Variants in XKR4 observed in about 807,000 individuals in gnomAD.
XKR4 encodes XK related 4, also known as XK-related protein 4.
In XKR4, 12 loss-of-function variants were observed where a neutral mutation model predicts 53.9. The observed-to-expected ratio is 0.22, with a 90% CI of 0.14 to 0.36. The LOEUF (loss-of-function observed/expected upper bound fraction) is 0.36. Among genes scored for constraint, XKR4 ranks in the 10% least tolerant of loss-of-function variants. The probability of loss-of-function intolerance (pLI) is 1.00; values close to 1 mark genes in which losing one functional copy is unlikely to be tolerated. For missense variants in XKR4, 799 were observed against 859.5 expected, an observed-to-expected ratio of 0.93 and a Z score of 0.88; for synonymous variants, 354 against 362.4, an observed-to-expected ratio of 0.98 and a Z score of 0.26.
In XKR4 at chr8:55,541,574, G is replaced by A. The variant is rs1352590298; in HGVS notation, c.*17347G>A. 6.6e-6 allele frequency: 1 copy of A among 152,098 alleles called. No homozygotes were observed. The highest frequency in any genetic ancestry group is 2.4e-5 in the African/African-American group (1 of 41,408). 9.4% of individuals were successfully genotyped at this position (152,098 alleles called of 1,614,324 possible). On this transcript the variant is annotated 3_prime_UTR_variant, in exon 3 of 3. Transcript: ENST00000327381. ...CCCTCCATTACAGAATAAGGTCCGA[G>A]AGACCCCACGAGTGTGCGTAGGGAA...
chr8:55,375,917 C>T (rs1804145041), intron 2 of XKR4, among the ~76,000 whole-genome samples: 1 of 151,954 alleles, frequency 6.6e-6, no homozygotes. Flanking sequence ...GTGTGTTGTT[C>T]CCTGCCATGT....
intron 2 of XKR4, among the ~76,000 whole-genome samples, chr8:55,501,619 A>G (rs951852918): frequency 5.9e-5 from 9 of 152,116 alleles, no homozygotes; most frequent in Admixed American, 3.9e-4. Context: ...TCCATGTAGC[A>G]TGTGTCAGAA....
intron 2 of XKR4, among the ~76,000 whole-genome samples, chr8:55,496,311 A>G (rs1806347880): frequency 6.6e-6 from 1 of 152,170 alleles, no homozygotes; most frequent in African/African-American, 2.4e-5. Flanking sequence ...CAATTCCTGG[A>G]CCAGGGTCTG....
intron 1 of XKR4, among the ~76,000 whole-genome samples, chr8:55,123,987 GT>G (rs1816427388): frequency 6.6e-6 from 1 of 152,088 alleles, no homozygotes; most frequent in Admixed American, 6.5e-5. Context: ...CTGTTTTTAG[GT>G]ATAGCAATCC....
At chr8:55,489,727 G>A (rs1341117942) in intron 2 of XKR4, among the ~76,000 whole-genome samples, 1 of 151,580 alleles carries the variant, frequency 6.6e-6, no homozygotes, top group Non-Finnish European at 1.5e-5. Context: ...ATAATTCCTA[G>A]ATATATGTCA....
intron 1 of XKR4, among the ~76,000 whole-genome samples, chr8:55,110,534 T>A (rs189690168): frequency 3.1e-3 from 477 of 152,284 alleles, no homozygotes; most frequent in Non-Finnish European, 5.4e-3. Context: ...GTGTGGTGAA[T>A]CAGAAAAGGT....
At chr8:55,216,213 G>T (rs1048242305) in intron 1 of XKR4, among the ~76,000 whole-genome samples, 8 of 152,182 alleles carry the variant, frequency 5.3e-5, no homozygotes, top group African/African-American at 1.9e-4. Flanking sequence ...GATCCATAGA[G>T]TACTTTCACA....
At chr8:55,512,561 G>A (rs1806644545) in intron 2 of XKR4, among the ~76,000 whole-genome samples, 1 of 152,184 alleles carries the variant, frequency 6.6e-6, no homozygotes, top group Admixed American at 6.5e-5. Context: ...AAATATGTAT[G>A]TTGCAAATAT....
At chr8:55,347,882 T>C (rs1425386742) in intron 1 of XKR4, among the ~76,000 whole-genome samples, 11 of 152,240 alleles carry the variant, frequency 7.2e-5, no homozygotes, top group East Asian at 5.8e-4. Flanking sequence ...GCCATCTGTA[T>C]AAATATCTAA....
chr8:55,143,872 C>G (rs1251063677), intron 1 of XKR4, among the ~76,000 whole-genome samples: 2 of 152,170 alleles, frequency 1.3e-5, no homozygotes, highest in African/African-American at 4.8e-5. Context: ...TAGGAGCCTC[C>G]CCTTAGTGGA....
chr8:55,293,416 TTCAGTTGTAA>T (rs1334159836), intron 1 of XKR4, among the ~76,000 whole-genome samples: 2 of 152,206 alleles, frequency 1.3e-5, no homozygotes, highest in Non-Finnish European at 2.9e-5. Flanking sequence ...ATTATAAATG[TTCAGTTGTAA>T]TCATTTAAAA....
intron 2 of XKR4, among the ~76,000 whole-genome samples, chr8:55,387,053 C>T (rs1427502893): frequency 6.6e-6 from 1 of 152,182 alleles, no homozygotes; most frequent in Non-Finnish European, 1.5e-5. Context: ...TGTCTCTTTC[C>T]CTGATCTCCC....
intron 1 of XKR4, among the ~76,000 whole-genome samples, chr8:55,181,672 A>G (rs1359148742): frequency 6.6e-6 from 1 of 152,134 alleles, no homozygotes; most frequent in East Asian, 1.9e-4. Flanking sequence ...AGATGATGAC[A>G]GTGACTTTGG....
intron 1 of XKR4, among the ~76,000 whole-genome samples, chr8:55,344,736 C>T (rs766030009): frequency 3.9e-4 from 60 of 152,318 alleles, no homozygotes; most frequent in Middle Eastern, 6.8e-3. Context: ...GCAACTTCCT[C>T]TCCTATTTCA....
In XKR4 at chr8:55,519,820, A is replaced by G. The variant is rs565093765; in HGVS notation, c.1007-3461A>G. The stretch of plus-strand genomic sequence containing the variant: ...CTGGCATATTTTAGGATAAAGGACC[A>G]TAATGTATGCATTTAATCGCAAATG... On this transcript the variant is annotated intron_variant, in intron 2 of 2. Transcript: ENST00000327381. 2.0e-5 allele frequency among the ~76,000 whole-genome samples: 3 copies of G among 152,376 alleles called. 1 individual carries two copies. The highest frequency in any genetic ancestry group is 4.8e-5 in the African/African-American group (2 of 41,592).
At chr8:55,385,028 A>G (rs1804289145) in intron 2 of XKR4, among the ~76,000 whole-genome samples, 1 of 152,126 alleles carries the variant, frequency 6.6e-6, no homozygotes, top group Non-Finnish European at 1.5e-5. Flanking sequence ...TTTTCAAAGT[A>G]GGTATAATTT....
intron 2 of XKR4, among the ~76,000 whole-genome samples, chr8:55,461,823 G>A (rs1467193877): frequency 1.3e-5 from 2 of 152,324 alleles, no homozygotes; most frequent in African/African-American, 2.4e-5. Context: ...ACTATGTGAC[G>A]AATGCACAAG....
At chr8:55,384,241 T>C (rs2129387837) in intron 2 of XKR4, among the ~76,000 whole-genome samples, 1 of 152,308 alleles carries the variant, frequency 6.6e-6, no homozygotes, top group East Asian at 1.9e-4. Flanking sequence ...AAGAATGTGT[T>C]GGAGTCGGGT....
At chr8:55,423,716 G>C (rs963418045) in intron 2 of XKR4, among the ~76,000 whole-genome samples, 11 of 152,162 alleles carry the variant, frequency 7.2e-5, no homozygotes, top group Admixed American at 2.0e-4. Flanking sequence ...TGTCCAATTT[G>C]TTCTCAAACC....
Sources: allele counts gnomAD v4.1 joint callset (sites outside exome capture counted in the v4.1 genomes callset), GRCh38; gene constraint gnomAD v4.1.1; transcripts MANE v1.5; gene names NCBI Gene and HGNC (gene_info 2026-07-23, HGNC 2026-07-21).